FAM107A: variants seen among roughly 807,000 people sequenced by gnomAD.
FAM107A encodes family with sequence similarity 107 member A.
FAM107A carries 19 observed loss-of-function variants against 13.7 expected under a neutral mutation model. The ratio of observed to expected loss-of-function variants is 1.38; its 90% CI spans 0.97 to 2.03. The LOEUF is 2.03. Among genes scored for constraint, FAM107A ranks in the 30% most tolerant of loss-of-function variants. FAM107A has a pLI of 0.00. For synonymous variants in FAM107A, 82 were observed against 74.5 expected (o/e 1.10, Z -0.52); for missense variants, 203 against 184.4 (o/e 1.10, Z -0.58).
intron 1 of FAM107A, among the ~76,000 whole-genome samples, chr3:58,623,278 C>T (rs1018785295): frequency 3.9e-5 from 6 of 152,200 alleles, no homozygotes; most frequent in Admixed American, 6.5e-5. Flanking sequence ...GAATGCAAAG[C>T]GATGAGTGTC....
intron 1 of FAM107A, among the ~76,000 whole-genome samples, chr3:58,599,008 C>G (rs1319740639): frequency 6.6e-6 from 1 of 152,050 alleles, no homozygotes; most frequent in Non-Finnish European, 1.5e-5. Flanking sequence ...ATGCTGGGAT[C>G]TCGGCTCACT....
chr3:58,625,625 C>G (rs1051494775), intron 1 of FAM107A, among the ~76,000 whole-genome samples: 2 of 152,190 alleles, frequency 1.3e-5, no homozygotes, highest in African/African-American at 4.8e-5. Flanking sequence ...CCTCCCACAG[C>G]TTATTGAATA....
At chr3:58,618,800 G>A (rs1052520094) in intron 1 of FAM107A, among the ~76,000 whole-genome samples, 57 of 151,916 alleles carry the variant, frequency 3.8e-4, no homozygotes, top group Admixed American at 3.9e-4. Context: ...TGTTGGGGCA[G>A]GGGGTGAAGT....
At chr3:58,591,190 C>T (rs769843725), upstream of FAM107A, among the ~76,000 whole-genome samples, 3 of 151,964 alleles carry the variant, frequency 2.0e-5, no homozygotes, top group South Asian at 2.1e-4. This position sits in a 1 kb window ranked among gnomAD's most constrained non-coding sequence, Gnocchi z 4.3. Flanking sequence ...AACAGAGAGA[C>T]GCTGGGAAAA....
chr3:58,601,604 C>A (rs1165247832), intron 1 of FAM107A, among the ~76,000 whole-genome samples: 3 of 152,162 alleles, frequency 2.0e-5, no homozygotes. Flanking sequence ...CAATGAATAT[C>A]CCACATGTAT....
At chr3:58,590,139 C>T (rs1429660906), upstream of FAM107A, among the ~76,000 whole-genome samples, 3 of 152,196 alleles carry the variant, frequency 2.0e-5, no homozygotes, top group African/African-American at 7.2e-5. Flanking sequence ...CAATCAGCTA[C>T]CTGACATCTC....
chr3:58,607,487 G>T (rs573535951), intron 1 of FAM107A, among the ~76,000 whole-genome samples: 4 of 152,234 alleles, frequency 2.6e-5, no homozygotes, highest in African/African-American at 9.6e-5. Context: ...GTAGAGGGTG[G>T]GTGGGAGCTA....
intron 1 of FAM107A, chr3:58,627,109 G>T: frequency 1.0e-6 from 1 of 998,910 alleles, no homozygotes; most frequent in Non-Finnish European, 1.5e-6. Flanking sequence ...AGGGCCCCCT[G>T]TCCTCTTGCG....
At chr3:58,612,896 TTA>T (rs1308678898) in intron 1 of FAM107A, among the ~76,000 whole-genome samples, 10 of 100,628 alleles carry the variant, frequency 9.9e-5, no homozygotes, top group East Asian at 5.4e-4. Context: ...GGAGTCATGT[TTA>T]TTTTTATTGT....
intron 1 of FAM107A, among the ~76,000 whole-genome samples, chr3:58,600,555 GTC>G (rs2065744967): frequency 6.6e-6 from 1 of 152,200 alleles, no homozygotes; most frequent in African/African-American, 2.4e-5. Flanking sequence ...TTGAGCCCAG[GTC>G]AGCCTGGCTC....
intron 1 of FAM107A, among the ~76,000 whole-genome samples, chr3:58,618,136 A>T (rs1204525276): frequency 6.6e-6 from 1 of 152,194 alleles, no homozygotes; most frequent in East Asian, 1.9e-4. Context: ...GCAGATGAGA[A>T]GGACTGAGTG....
chr3:58,593,365 A>G (rs1024786066), intron 1 of FAM107A, among the ~76,000 whole-genome samples: 2 of 152,108 alleles, frequency 1.3e-5, no homozygotes, highest in Non-Finnish European at 2.9e-5. Context: ...TGTCATCCCT[A>G]CTATCTGCTG....
chr3:58,595,898 T>A (rs1039748557), intron 1 of FAM107A, among the ~76,000 whole-genome samples: 1 of 152,236 alleles, frequency 6.6e-6, no homozygotes, highest in African/African-American at 2.4e-5. Flanking sequence ...TACTGATAAC[T>A]GATAGTCTTT....
intron 2 of FAM107A, among the ~76,000 whole-genome samples, chr3:58,568,404 C>T (rs1441336604): frequency 6.6e-6 from 1 of 150,798 alleles, no homozygotes; most frequent in Non-Finnish European, 1.5e-5. Flanking sequence ...CACTGCACTC[C>T]AGCCTGGGCG....
At chr3:58,588,779 C>A (rs779132707), upstream of FAM107A, among the ~76,000 whole-genome samples, 3 of 152,156 alleles carry the variant, frequency 2.0e-5, no homozygotes, top group Non-Finnish European at 4.4e-5. Flanking sequence ...CCTGCCTCAG[C>A]CTCCCGAGTA....
intron 1 of FAM107A, among the ~76,000 whole-genome samples, chr3:58,616,842 C>T (rs1289517752): frequency 6.6e-6 from 1 of 152,084 alleles, no homozygotes; most frequent in East Asian, 1.9e-4. Flanking sequence ...GGCACGATCT[C>T]GGCTCACTGC....
chr3:58,587,104 G>C (rs996146512), exon 1 of FAM107A: 1 of 1,369,324 alleles, frequency 7.3e-7, no homozygotes, highest in Non-Finnish European at 9.4e-7. Flanking sequence ...AGGAGACGCC[G>C]CCGGGGGAAG....
At chr3:58,598,259 G>C (rs984294987) in intron 1 of FAM107A, among the ~76,000 whole-genome samples, 14 of 152,228 alleles carry the variant, frequency 9.2e-5, no homozygotes, top group Non-Finnish European at 1.9e-4. Flanking sequence ...GCTGGGCTCT[G>C]TTTGGAGCAG....
upstream of FAM107A, among the ~76,000 whole-genome samples, chr3:58,582,233 A>G (rs927383048): frequency 3.9e-5 from 6 of 152,226 alleles, no homozygotes; most frequent in Non-Finnish European, 7.3e-5. Flanking sequence ...ACATGCTTAC[A>G]CTAAAATATG....
Sources: gnomAD v4.1 joint callset for allele counts (sites outside exome capture counted in the v4.1 genomes callset) on GRCh38, gnomAD v4.1.1 for gene constraint, Gnocchi (gnomAD v3.1) non-coding constraint, MANE v1.5 for transcripts, NCBI Gene and HGNC (gene_info 2026-07-23, HGNC 2026-07-21) for gene names.